PAX5: variants seen among roughly 807,000 people sequenced by gnomAD.
PAX5 encodes the protein paired box protein Pax-5.
PAX5 carries 9 observed loss-of-function variants against 43.7 expected under a neutral mutation model. The ratio of observed to expected loss-of-function variants is 0.21; its 90% confidence interval spans 0.12 to 0.36. The LOEUF (loss-of-function observed/expected upper bound fraction) is 0.36. PAX5 is among the 10% of genes least tolerant of loss of function. The pLI is 1.00. For missense variants in PAX5, 383 were observed against 532.7 expected (o/e 0.72, Z 2.77); for synonymous variants, 228 against 214.3 (o/e 1.06, Z -0.56).
At chr9:36,996,929 G>A (rs1453571858) in intron 5 of PAX5, among the ~76,000 whole-genome samples, 2 of 152,124 alleles carry the variant, frequency 1.3e-5, no homozygotes, top group East Asian at 3.8e-4. Context: ...GAGAGAGTAT[G>A]TACGAAAAAG....
At chr9:36,886,150 C>G (rs1239057089) in intron 7 of PAX5, among the ~76,000 whole-genome samples, 3 of 152,114 alleles carry the variant, frequency 2.0e-5, no homozygotes, top group Admixed American at 1.3e-4. Context: ...CCCAGCCCAG[C>G]CTGGTGCAGC....
chr9:36,973,054 GA>G (rs764225395), intron 5 of PAX5, among the ~76,000 whole-genome samples: 6 of 139,434 alleles, frequency 4.3e-5, no homozygotes, highest in Non-Finnish European at 7.8e-5. Flanking sequence ...AAGAAAGAAA[GA>G]AAAGGAAAGG....
At chr9:36,961,923 G>C (rs188937169) in intron 6 of PAX5, among the ~76,000 whole-genome samples, 2 of 152,154 alleles carry the variant, frequency 1.3e-5, no homozygotes, top group East Asian at 3.8e-4. Flanking sequence ...AAACAGAATT[G>C]CTTTTTCAAT....
chr9:36,860,658 C>T (rs772791692), intron 8 of PAX5, among the ~76,000 whole-genome samples: 7 of 152,172 alleles, frequency 4.6e-5, no homozygotes, highest in African/African-American at 7.2e-5. Flanking sequence ...GTTTCGCTAG[C>T]GTCCTCAGAG....
chr9:36,889,254 G>T (rs2131805451), intron 7 of PAX5, among the ~76,000 whole-genome samples: 1 of 152,266 alleles, frequency 6.6e-6, no homozygotes, highest in Non-Finnish European at 1.5e-5. Flanking sequence ...ACCCCATAAG[G>T]TTGCGGTTAT....
chr9:36,869,692 G>A (rs1029459120), intron 8 of PAX5, among the ~76,000 whole-genome samples: 3 of 152,210 alleles, frequency 2.0e-5, no homozygotes, highest in Non-Finnish European at 2.9e-5. Flanking sequence ...GCCTGACAAG[G>A]GTCATGAGTT....
intron 5 of PAX5, 42 bp downstream of exon 5, chr9:37,002,606 C>T (rs745887569): frequency 3.0e-5 from 48 of 1,588,648 alleles, no homozygotes; most frequent in Non-Finnish European, 3.9e-5. Context: ...AAACAGACCC[C>T]GTGGAGCGCA....
intron 1 of PAX5, among the ~76,000 whole-genome samples, chr9:37,024,544 A>G (rs1459869228): frequency 6.6e-6 from 1 of 152,184 alleles, no homozygotes; most frequent in Non-Finnish European, 1.5e-5. Flanking sequence ...GCAGGCCTAC[A>G]TTGTGCAAGA....
intron 7 of PAX5, among the ~76,000 whole-genome samples, chr9:36,909,697 G>A (rs966328754): frequency 6.6e-5 from 10 of 152,098 alleles, no homozygotes; most frequent in African/African-American, 1.4e-4. Flanking sequence ...ACAGGAGCCT[G>A]CTGCTTTAGC....
intron 1 of PAX5, among the ~76,000 whole-genome samples, chr9:37,033,411 CT>C (rs553969993): frequency 2.0e-3 from 301 of 152,338 alleles, no homozygotes; most frequent in Non-Finnish European, 2.2e-3. Flanking sequence ...GTAGCCACTT[CT>C]TTCTCACATC....
At chr9:36,964,694 C>T (rs897941845) in intron 6 of PAX5, among the ~76,000 whole-genome samples, 2 of 152,156 alleles carry the variant, frequency 1.3e-5, no homozygotes, top group African/African-American at 4.8e-5. Context: ...CTCTCACTCT[C>T]CTCCCGTGTC....
chr9:37,014,897 G>T, intron 3 of PAX5, 100 bp downstream of exon 3: 1 of 1,142,758 alleles, frequency 8.8e-7, no homozygotes, highest in Non-Finnish European at 1.3e-6. Flanking sequence ...GGGCCTTGGT[G>T]AAAAAAGAGA....
intron 7 of PAX5, among the ~76,000 whole-genome samples, chr9:36,884,589 C>T (rs1014643343): frequency 5.3e-5 from 8 of 152,104 alleles, no homozygotes; most frequent in African/African-American, 1.9e-4. Flanking sequence ...GTCAAGGAAA[C>T]CTATTATCAA....
chr9:36,890,312 C>T (rs1257591252), intron 7 of PAX5, among the ~76,000 whole-genome samples: 2 of 152,178 alleles, frequency 1.3e-5, no homozygotes, highest in African/African-American at 4.8e-5. Flanking sequence ...CCGAGAGGGT[C>T]TGCCAGCCTT....
chr9:36,901,704 T>A (rs1005141493), intron 7 of PAX5, among the ~76,000 whole-genome samples: 6 of 152,160 alleles, frequency 3.9e-5, no homozygotes, highest in African/African-American at 1.2e-4. Context: ...CTAATGGTGA[T>A]GCTCTGTTGC....
chr9:36,847,614 A>G (rs1377926478), intron 8 of PAX5, among the ~76,000 whole-genome samples: 2 of 152,238 alleles, frequency 1.3e-5, no homozygotes, highest in Non-Finnish European at 2.9e-5. Context: ...CCTTCTGGCC[A>G]CTGGGGAGGG....
intron 6 of PAX5, among the ~76,000 whole-genome samples, chr9:36,927,765 G>C (rs1830770651): frequency 6.6e-6 from 1 of 150,424 alleles, no homozygotes; most frequent in African/African-American, 2.5e-5. Flanking sequence ...CTGGTGTGCA[G>C]TGGCACGATC....
At chr9:36,951,824 G>T (rs142166929) in intron 6 of PAX5, among the ~76,000 whole-genome samples, 110 of 151,730 alleles carry the variant, frequency 7.2e-4, no homozygotes, top group Middle Eastern at 3.4e-3. Context: ...TGCTTATTCT[G>T]GTTTGCACAT....
At chr9:37,002,572 C>G in intron 5 of PAX5, 76 bp downstream of exon 5, 2 of 1,516,648 alleles carry the variant, frequency 1.3e-6, no homozygotes, top group African/African-American at 2.8e-5. Context: ...GGCACCTCTG[C>G]TGCCACCCGC....
Sources: allele counts gnomAD v4.1 joint callset (sites outside exome capture counted in the v4.1 genomes callset), GRCh38; gene constraint gnomAD v4.1.1; transcripts MANE v1.5; gene names NCBI Gene and HGNC (gene_info 2026-07-23, HGNC 2026-07-21).